The following RHOU variants were observed in gnomAD, a reference collection of about 807,000 sequenced individuals.
RHOU encodes rho-related GTP-binding protein RhoU.
A neutral mutation model predicts 12.6 loss-of-function variants in RHOU; 8 were observed. The observed-to-expected ratio is 0.64, with a 90% confidence interval of 0.37 to 1.15. The LOEUF is 1.15. Ranked by LOEUF, RHOU falls within the 50% of genes most tolerant of loss-of-function variation. RHOU has a pLI of 0.01. For missense variants in RHOU, 258 were observed against 347.0 expected, an observed-to-expected ratio of 0.74 and a Z score of 2.04; for synonymous variants, 161 against 147.4, an observed-to-expected ratio of 1.09 and a Z score of -0.67.
chr1:228,659,876 C>T, the RHOU span, among the ~76,000 whole-genome samples: 19 of 142,846 alleles, frequency 1.3e-4, no homozygotes, highest in Non-Finnish European at 2.3e-4. Context: ...CCCAGCTACT[C>T]GGGAGGCTCA....
the RHOU span, among the ~76,000 whole-genome samples, chr1:228,657,138 G>C: frequency 6.6e-6 from 1 of 151,728 alleles, no homozygotes; most frequent in African/African-American, 2.4e-5. Flanking sequence ...TTAGCTGGGC[G>C]TGGTGGTAGG....
the RHOU span, among the ~76,000 whole-genome samples, chr1:228,696,489 A>G: frequency 6.6e-6 from 1 of 152,064 alleles, no homozygotes; most frequent in Non-Finnish European, 1.5e-5. Context: ...GTTTATGTTT[A>G]AGAACTTATT....
chr1:228,662,659 C>T, the RHOU span, among the ~76,000 whole-genome samples: 1 of 144,190 alleles, frequency 6.9e-6, no homozygotes, highest in Admixed American at 7.1e-5. Flanking sequence ...GGGCAGGGAA[C>T]ACCACACACT....
the RHOU span, among the ~76,000 whole-genome samples, chr1:228,684,938 A>G: frequency 1.3e-5 from 2 of 152,232 alleles, no homozygotes; most frequent in Non-Finnish European, 2.9e-5. Context: ...AAGTGGAGGA[A>G]TAAAAGAACG....
the RHOU span, among the ~76,000 whole-genome samples, chr1:228,696,537 C>T: frequency 9.9e-4 from 151 of 151,998 alleles, no homozygotes; most frequent in African/African-American, 3.5e-3. Context: ...TAACCAAGTG[C>T]TTTTAGATAT....
At position 228,736,207 on chromosome 1, in the gene RHOU, C is replaced by T. The variant is rs549382116; in HGVS notation, c.262+203C>T. 3.0e-5 allele frequency among the ~76,000 whole-genome samples: 4 copies of T among 134,656 alleles called. No homozygotes were observed. The South Asian group carries it at 9.2e-4, about 31-fold the overall frequency. 88.3% of individuals were successfully genotyped at this position (134,656 alleles called of 152,430 possible). ...AAGCGCGGAGCTAACACGAAAGGAC[C>T]ACGGCGGAGTGGGCTTGGAGAGAGG... On this transcript the variant is annotated intron_variant, in intron 1 of 2. Transcript: ENST00000366691.
chr1:228,678,976 C>T, the RHOU span, among the ~76,000 whole-genome samples: 1 of 151,884 alleles, frequency 6.6e-6, no homozygotes, highest in African/African-American at 2.4e-5. Flanking sequence ...GTAAGAATTC[C>T]AACCACATAG....
the RHOU span, among the ~76,000 whole-genome samples, chr1:228,665,036 C>T: frequency 6.6e-6 from 1 of 152,092 alleles, no homozygotes; most frequent in Non-Finnish European, 1.5e-5. Context: ...TCATGAAAAC[C>T]CTTCAAGATA....
the RHOU span, among the ~76,000 whole-genome samples, chr1:228,674,307 T>G: frequency 3.2e-4 from 49 of 152,242 alleles, no homozygotes; most frequent in East Asian, 8.9e-3. Context: ...TGATTTTAAT[T>G]TAGTCTAATA....
the RHOU span, among the ~76,000 whole-genome samples, chr1:228,647,064 T>A: frequency 6.6e-6 from 1 of 151,956 alleles, no homozygotes; most frequent in Non-Finnish European, 1.5e-5. Flanking sequence ...AGCGAGAACG[T>A]TTGAGCCTTA....
At chr1:228,707,253 ATAGTGTGTGTGTGTGTGT>A in the RHOU span, among the ~76,000 whole-genome samples, 42 of 77,132 alleles carry the variant, frequency 5.4e-4, 1 homozygote, top group Middle Eastern at 0.014. Flanking sequence ...ATATATATAT[ATAGTGTGTGTGTGTGTGT>A]GTGTGTGTGT....
chr1:228,711,888 G>A, the RHOU span, among the ~76,000 whole-genome samples: 1 of 144,052 alleles, frequency 6.9e-6, no homozygotes, highest in African/African-American at 2.6e-5. Context: ...CAAAATGGGA[G>A]AAAATTTTCA....
At chr1:228,736,125 C>T in intron 1 of RHOU, 121 bp downstream of exon 1, 1 of 1,004,282 alleles carries the variant, frequency 1.0e-6, no homozygotes, top group Non-Finnish European at 1.4e-6. Context: ...GCGGCTCCAG[C>T]TGGGAAGCCG....
chr1:228,731,601 G>T (rs1317383230), upstream of RHOU, among the ~76,000 whole-genome samples: 4 of 152,186 alleles, frequency 2.6e-5, no homozygotes, highest in East Asian at 7.7e-4. Flanking sequence ...ATTAAGTATA[G>T]AAAATTAGGC....
upstream of RHOU, among the ~76,000 whole-genome samples, chr1:228,734,165 A>G (rs1662547044): frequency 6.6e-6 from 1 of 152,170 alleles, no homozygotes; most frequent in African/African-American, 2.4e-5. Context: ...AAAGACAGTG[A>G]ACATAACTGG....
the RHOU span, among the ~76,000 whole-genome samples, chr1:228,693,095 T>C: frequency 6.6e-6 from 1 of 152,196 alleles, no homozygotes; most frequent in South Asian, 2.1e-4. Context: ...AGTATTCTCT[T>C]CGGTAATAAT....
chr1:228,701,134 G>A, the RHOU span, among the ~76,000 whole-genome samples: 1 of 152,062 alleles, frequency 6.6e-6, no homozygotes, highest in Admixed American at 6.6e-5. Context: ...TTTGTCTTTT[G>A]GATGCTGTAT....
the RHOU span, among the ~76,000 whole-genome samples, chr1:228,647,011 G>T: frequency 2.5e-4 from 37 of 145,364 alleles, 1 homozygote; most frequent in East Asian, 6.5e-3. Flanking sequence ...ATAACGCGAG[G>T]TCCAGGGGGA....
the RHOU span, among the ~76,000 whole-genome samples, chr1:228,687,986 CCT>C: frequency 6.6e-6 from 1 of 150,650 alleles, no homozygotes; most frequent in Non-Finnish European, 1.5e-5. Flanking sequence ...TCCCTCCCTC[CCT>C]TCCTTCCTTT....
Sources: gnomAD v4.1 joint callset for allele counts (sites outside exome capture counted in the v4.1 genomes callset) on GRCh38, gnomAD v4.1.1 for gene constraint, MANE v1.5 for transcripts, NCBI Gene and HGNC (gene_info 2026-07-23, HGNC 2026-07-21) for gene names.